DENND1A: variants seen among roughly 807,000 people sequenced by gnomAD.
The protein encoded by DENND1A is DENN domain containing 1A, also known as DENN domain-containing protein 1A.
In DENND1A, 51 loss-of-function variants were observed where a neutral mutation model predicts 113.7. That is an observed-to-expected ratio of 0.45 (90% confidence interval 0.36 to 0.57). DENND1A has a LOEUF of 0.57. DENND1A is among the 20% of genes least tolerant of loss of function. The pLI is 0.00. For synonymous variants in DENND1A, 565 were observed against 570.8 expected, an observed-to-expected ratio of 0.99 and a Z score of 0.14; for missense variants, 1,258 against 1,395.9, an observed-to-expected ratio of 0.90 and a Z score of 1.57.
At chr9:123,806,486 A>G (rs982720277) in intron 2 of DENND1A, among the ~76,000 whole-genome samples, 1 of 152,054 alleles carries the variant, frequency 6.6e-6, no homozygotes. Flanking sequence ...CGAACTCCTG[A>G]CCTCAGGTGA....
chr9:123,421,857 C>T (rs2045333489), intron 19 of DENND1A, among the ~76,000 whole-genome samples: 1 of 152,208 alleles, frequency 6.6e-6, no homozygotes, highest in African/African-American at 2.4e-5. Context: ...TCCCTGTCCC[C>T]AGCATGCCAT....
intron 13 of DENND1A, among the ~76,000 whole-genome samples, chr9:123,528,032 T>C (rs2054990365): frequency 6.6e-6 from 1 of 152,184 alleles, no homozygotes; most frequent in Non-Finnish European, 1.5e-5. Flanking sequence ...ATCAGACATG[T>C]TTTAAAAATT....
intron 13 of DENND1A, among the ~76,000 whole-genome samples, chr9:123,464,776 GAAT>G (rs1444579847): frequency 3.3e-5 from 5 of 151,732 alleles, no homozygotes; most frequent in Non-Finnish European, 7.4e-5. Flanking sequence ...TTAAAAAATA[GAAT>G]AATGGAATAT....
chr9:123,612,128 C>T (rs561012432), intron 10 of DENND1A, among the ~76,000 whole-genome samples: 1 of 152,328 alleles, frequency 6.6e-6, no homozygotes, highest in Non-Finnish European at 1.5e-5. Context: ...ATACCTTTTA[C>T]ATTGTCATCA....
rs115671931 is a variant in DENND1A at position 123,554,683 on chromosome 9, T to C, written c.993+2887A>G. 5.3e-3 allele frequency among the ~76,000 whole-genome samples: 813 copies of C among 152,360 alleles called. 9 individuals carry two copies. Among genetic ancestry groups the C allele is most frequent in the African/African-American group, 0.019 (773 of 41,582 alleles). ...GATTGAAAGGCTGACAGGTCTGCCA[T>C]ATTTCATTGATTCTAAGATGAAAAT... On this transcript the variant is annotated intron_variant, in intron 13 of 23. Coordinates refer to ENST00000394215, the MANE Select transcript of DENND1A (RefSeq NM_001352964.2).
intron 5 of DENND1A, among the ~76,000 whole-genome samples, chr9:123,678,887 G>A (rs908672001): frequency 6.6e-6 from 1 of 152,194 alleles, no homozygotes; most frequent in Non-Finnish European, 1.5e-5. Flanking sequence ...GGATTAGGGA[G>A]CAGATAAGTT....
At chr9:123,600,269 AT>A (rs2059884952) in intron 11 of DENND1A, among the ~76,000 whole-genome samples, 1 of 152,212 alleles carries the variant, frequency 6.6e-6, no homozygotes, top group Non-Finnish European at 1.5e-5. Context: ...CCTAAATAAT[AT>A]TGATAATCAC....
chr9:123,381,899 A>G lies in DENND1A; in HGVS notation c.2746T>C (p.Phe916Leu). ...LPLVSTPAGPFGAPPASLGPA... is the reference protein window; with the variant it reads ...LPLVSTPAGPLGAPPASLGPA... ...CCCAGGGAAGCTGGAGGGGCCCCGA[A>G]AGGCCCGGCTGGTGTGGAGACCAGG... is the stretch of plus-strand genomic sequence containing the variant. The change falls in exon 24 of 24, where the codon TTC becomes CTC. Residue 916 changes from phenylalanine (F) to leucine (L), a missense_variant. Transcript: ENST00000394215. This position sits in a 1 kb window ranked among gnomAD's most constrained non-coding sequence, Gnocchi z 4.7. 3.3e-6 allele frequency: 4 copies of G among 1,203,288 alleles called. No homozygotes were observed. The highest frequency in any genetic ancestry group is 4.2e-6 in the Non-Finnish European group (4 of 942,948). 74.5% of individuals were successfully genotyped at this position (1,203,288 alleles called of 1,614,324 possible). A position where few individuals can be genotyped will look rare whatever the true frequency, so the allele number is the denominator to read the frequency against.
intron 1 of DENND1A, among the ~76,000 whole-genome samples, chr9:123,911,983 C>T (rs1374887596): frequency 6.6e-5 from 10 of 151,906 alleles, no homozygotes; most frequent in Admixed American, 2.0e-4. Context: ...CTTGAGCCAC[C>T]GTGCCCTGCC....
At chr9:123,633,507 G>A (rs1481527677) in intron 9 of DENND1A, among the ~76,000 whole-genome samples, 1 of 152,144 alleles carries the variant, frequency 6.6e-6, no homozygotes, top group Non-Finnish European at 1.5e-5. Context: ...GGGTGCGGTG[G>A]CTCACGCCTG....
chr9:123,650,691 G>A (rs2062598317), intron 9 of DENND1A, among the ~76,000 whole-genome samples: 4 of 152,080 alleles, frequency 2.6e-5, no homozygotes, highest in Admixed American at 2.6e-4. Flanking sequence ...TGGATCACTT[G>A]AGGTCAAGAG....
chr9:123,878,231 T>C (rs113102148), intron 2 of DENND1A, among the ~76,000 whole-genome samples: 15,137 of 152,034 alleles, frequency 0.1, 951 homozygotes, highest in Admixed American at 0.13. Context: ...TATTATTATA[T>C]GCAGGTGTTT....
chr9:123,870,314 G>A (rs951375339), intron 2 of DENND1A, among the ~76,000 whole-genome samples: 7 of 148,018 alleles, frequency 4.7e-5, no homozygotes, highest in East Asian at 2.0e-4. Flanking sequence ...CTGCCGCCCC[G>A]GCTGGAATAC....
intron 5 of DENND1A, among the ~76,000 whole-genome samples, chr9:123,693,352 CTTT>C (rs1220981642): frequency 6.6e-6 from 1 of 152,188 alleles, no homozygotes; most frequent in Non-Finnish European, 1.5e-5. Context: ...AAAAGTCACT[CTTT>C]TGACAAATGC....
chr9:123,657,988 C>T (rs376906083), intron 8 of DENND1A, among the ~76,000 whole-genome samples: 5 of 152,262 alleles, frequency 3.3e-5, no homozygotes, highest in Admixed American at 1.3e-4. Flanking sequence ...TACCTGACAA[C>T]TCTTAAGAGC....
Position 123,391,241 on chromosome 9 carries a change from C to T in DENND1A, c.1632-3383G>A, listed in dbSNP as rs143310435. 3.9e-5 allele frequency among the ~76,000 whole-genome samples: 6 copies of T among 152,346 alleles called. No individual in the cohort carries two copies. The East Asian group carries it at 1.2e-3, about 29-fold the overall frequency. The stretch of plus-strand genomic sequence containing the variant: ...GCAGTGATTTCCACAGGAGGCCTAG[C>T]TGTCTCCAGAATACACCACCTGTCT... On this transcript the variant is annotated intron_variant, in intron 21 of 23. Coordinates refer to ENST00000394215, the MANE Select transcript of DENND1A (RefSeq NM_001352964.2).
At chr9:123,844,099 G>T (rs202020242) in intron 2 of DENND1A, among the ~76,000 whole-genome samples, 1 of 83,946 alleles carries the variant, frequency 1.2e-5, no homozygotes, top group Admixed American at 9.2e-5. Context: ...CTAAAAAAAT[G>T]ATATAATTAA....
chr9:123,723,301 T>C (rs921596891), intron 5 of DENND1A, among the ~76,000 whole-genome samples: 3 of 152,228 alleles, frequency 2.0e-5, no homozygotes, highest in Admixed American at 2.0e-4. Flanking sequence ...TTTTACAGGT[T>C]CATAGGCAGA....
At chr9:123,878,422 A>AAC (rs1239946295) in intron 2 of DENND1A, among the ~76,000 whole-genome samples, 1 of 152,194 alleles carries the variant, frequency 6.6e-6, no homozygotes, top group Non-Finnish European at 1.5e-5. Context: ...CTTGTCCAGG[A>AAC]ACACATATTC....
Sources: allele counts gnomAD v4.1 joint callset (sites outside exome capture counted in the v4.1 genomes callset), GRCh38; gene constraint gnomAD v4.1.1; non-coding constraint Gnocchi (gnomAD v3.1); transcripts MANE v1.5; gene names NCBI Gene and HGNC (gene_info 2026-07-23, HGNC 2026-07-21).